Variants in MSH6 observed in about 807,000 individuals in gnomAD.
MSH6 encodes mutS homolog 6.
Under a neutral mutation model 119.1 loss-of-function variants are expected in MSH6, and 85 were observed. That is an observed-to-expected ratio of 0.71 (90% CI 0.60 to 0.85). MSH6 has a LOEUF of 0.85. Among genes scored for constraint, MSH6 ranks in the 40% least tolerant of loss-of-function variants. The probability of loss-of-function intolerance (pLI) is 0.00; values close to 1 mark genes in which losing one functional copy is unlikely to be tolerated. For synonymous variants in MSH6, 830 were observed against 586.9 expected, an observed-to-expected ratio of 1.41 and a Z score of -5.99; for missense variants, 2,163 against 1,655.3, an observed-to-expected ratio of 1.31 and a Z score of -5.32.
At chr2:47,809,902 CA>C, downstream of MSH6, 1 of 540,864 alleles carries the variant, frequency 1.8e-6, no homozygotes, top group South Asian at 2.6e-5. Context: ...GTCAAAACTG[CA>C]ATTAACTTTC....
In MSH6 at chr2:47,799,347, A is replaced by G. The variant is rs200938360; in HGVS notation, c.1364A>G (p.Asn455Ser). The G allele has an allele frequency of 6.2e-7, 1 of 1,614,028 alleles. No homozygotes were observed. The change falls in exon 4 of 10, where the codon AAC (asparagine) becomes AGC (serine). Residue 455 changes from asparagine to serine, a missense_variant. Asn to Ser is a conservative substitution (Grantham distance 46, BLOSUM62 1). Coordinates refer to ENST00000234420, the MANE Select transcript of MSH6 (RefSeq NM_000179.3). ...CTGGGGCTGGTATTCATGAAAGGCAACTGGGCCCATTCTGGCTTTCCTGAA... is the reference window on the plus strand; with the variant it reads ...CTGGGGCTGGTATTCATGAAAGGCAGCTGGGCCCATTCTGGCTTTCCTGAA... ...SELGLVFMKG[N>S]WAHSGFPEIA...
chr2:47,788,246 C>CTTTTTTTTTTTTTT lies in MSH6; in HGVS notation c.261-2668_261-2655dup, dbSNP rs560110301. Among the ~76,000 whole-genome samples, 39 of 90,056 alleles carry CTTTTTTTTTTTTTT rather than the reference C, an allele frequency of 4.3e-4. 2 individuals are homozygous for CTTTTTTTTTTTTTT. The highest frequency in any genetic ancestry group is 1.5e-3 in the African/African-American group (31 of 20,700). 59.1% of individuals were successfully genotyped at this position (90,056 alleles called of 152,430 possible). Reference sequence around the variant, plus strand: ...ATTTCTTTTCTTTCATTCTTTCTTTCTTTTTTTTTTTTTTTTTTTTTTTTT... The same window carrying CTTTTTTTTTTTTTT: ...ATTTCTTTTCTTTCATTCTTTCTTTCTTTTTTTTTTTTTTTTTTTTTTTTTTTTTTTTTTTTTTT... On this transcript the variant is annotated intron_variant, in intron 1 of 9. Transcript: ENST00000234420.
rs552287734 is a variant in MSH6 at position 47,790,301 on chromosome 2, G to A, written c.261-626G>A. Among the ~76,000 whole-genome samples, 3 of 152,308 alleles carry A rather than the reference G, an allele frequency of 2.0e-5. No individual in the cohort carries two copies. The East Asian group carries it at 5.8e-4, about 29-fold the overall frequency. On this transcript the variant is annotated intron_variant, in intron 1 of 9. Coordinates refer to ENST00000234420, the MANE Select transcript of MSH6 (RefSeq NM_000179.3). ...AAGCCAGGTGTGATGGCGTGTGCCT[G>A]TAGTCTTGGCTATTCAGGAGGCTGA...
rs1258152646 is a variant in MSH6 at position 47,800,936 on chromosome 2, T to G, written c.2953T>G (p.Phe985Val). ...TTACCAGCTGGAAATTCCTGAGAAT[T>G]TCACCACTCGCAATTTGCCAGAAGA... ...NRYQLEIPENFTTRNLPEEYE... is the reference protein window; with the variant it reads ...NRYQLEIPENVTTRNLPEEYE... The change falls in exon 4 of 10, where the codon TTC becomes GTC. Residue 985 changes from phenylalanine to valine, a missense_variant. Coordinates refer to ENST00000234420, the MANE Select transcript of MSH6 (RefSeq NM_000179.3). The G allele has an allele frequency of 2.5e-6, 4 of 1,576,228 alleles. No homozygotes were observed. The Admixed American group carries it at 7.5e-5, about 30-fold the overall frequency.
rs1193722362 is a variant in MSH6, at chr2:47,788,909, TTTTTTTTTTTTTG to T, written c.261-2005_261-1993del. Among the ~76,000 whole-genome samples, 361 of 51,850 alleles carry T rather than the reference TTTTTTTTTTTTTG, an allele frequency of 7.0e-3. 13 individuals are homozygous for T. The highest frequency in any genetic ancestry group is 0.01 in the Non-Finnish European group (250 of 24,396). The allele number at this position is 51,850 out of a possible 152,430, so 34.0% of individuals were successfully genotyped here. On this transcript the variant is annotated intron_variant, in intron 1 of 9. Coordinates refer to ENST00000234420, the MANE Select transcript of MSH6 (RefSeq NM_000179.3). ...ATTTCTTTCTTTCTTTCTTCTTCCT[TTTTTTTTTTTTTG>T]TTTTTTTTTTTTTTTTTTTTTTTTT...
In MSH6 at chr2:47,804,282, T is replaced by A. The variant is rs3136355; in HGVS notation, c.3438+597T>A. ...TACACCATCATGCCTAGCTCATTTT[T>A]AAAAAAATTTTTTATGGCATTGTAT... On this transcript the variant is annotated intron_variant, in intron 5 of 9. Transcript: ENST00000234420. 3.0e-4 allele frequency among the ~76,000 whole-genome samples: 46 copies of A among 152,282 alleles called. No individual in the cohort carries two copies. The East Asian group carries it at 6.2e-3, about 20-fold the overall frequency.
chr2:47,806,722 G>GGAT, intron 9 of MSH6, 57 bp from the exon 10 acceptor site: 1 of 1,567,836 alleles, frequency 6.4e-7, no homozygotes, highest in Non-Finnish European at 8.7e-7. Context: ...AAAGGGGAAG[G>GGAT]GATGATGCAC....
At position 47,783,408 on chromosome 2, in the gene MSH6, C is replaced by T. The variant is rs761033647; in HGVS notation, c.175C>T (p.Pro59Ser). ...GAGCGAGGCTGGGCCTGGGCCCAGGCCCTTGGCGCGCTCCGCGTCACCGCC... is the reference window on the plus strand; with the variant it reads ...GAGCGAGGCTGGGCCTGGGCCCAGGTCCTTGGCGCGCTCCGCGTCACCGCC... The part of the protein sequence containing the change: ...AWSEAGPGPR[P>S]LARSASPPKA... Residue 59 changes from proline to serine, a missense_variant, in exon 1 of 10, where the codon CCC (proline) becomes TCC (serine). Transcript: ENST00000234420. 1.2e-5 allele frequency: 19 copies of T among 1,530,794 alleles called. No homozygotes were observed. The highest frequency in any genetic ancestry group is 1.5e-5 in the Non-Finnish European group (17 of 1,141,786). The allele number at this position is 1,530,794 out of a possible 1,614,324, so 94.8% of individuals were successfully genotyped here.
intron 5 of MSH6, 49 bp from the exon 6 acceptor site, chr2:47,804,861 G>GAT (rs776574460): frequency 2.8e-6 from 4 of 1,412,378 alleles, no homozygotes. Flanking sequence ...AAAAGTTTAT[G>GAT]AAACTGTTAC....
At chr2:47,809,685 T>C (rs557498118), downstream of MSH6, 15 of 1,613,188 alleles carry the variant, frequency 9.3e-6, no homozygotes, top group Non-Finnish European at 1.3e-5. Context: ...GTGTTGCAGT[T>C]GCGTGATTTG....
chr2:47,806,467 A>C lies in MSH6; in HGVS notation c.3817A>C (p.Asn1273His), dbSNP rs1320711528. The C allele has an allele frequency of 6.2e-7, 1 of 1,614,134 alleles. No homozygotes were observed. The highest frequency in any genetic ancestry group is 8.5e-7 in the Non-Finnish European group (1 of 1,180,012). The change falls in exon 9 of 10, where the codon AAT becomes CAT. Residue 1273 changes from asparagine (N) to histidine (H), a missense_variant. Coordinates refer to ENST00000234420, the MANE Select transcript of MSH6 (RefSeq NM_000179.3). ...RLGHMACMVE[N>H]ECEDPSQETI... ...CTTTCTTAAGGCATGCATGGTAGAA[A>C]ATGAATGTGAAGACCCCAGCCAGGA...
rs267608055 is a variant in MSH6 at position 47,799,282 on chromosome 2, T to C, written c.1299T>C (p.Tyr433=). The C allele has an allele frequency of 6.2e-7, 1 of 1,614,096 alleles. No homozygotes were observed. The highest frequency in any genetic ancestry group is 8.5e-7 in the Non-Finnish European group (1 of 1,180,032). ...LVICYKVGKF[Y]ELYHMDALIG... ...TCTGTTACAAGGTGGGGAAATTTTA[T>C]GAGCTGTACCACATGGATGCTCTTA... is the stretch of plus-strand genomic sequence containing the variant. Residue 433 remains tyrosine, a synonymous_variant, in exon 4 of 10, where the codon TAT becomes TAC. Coordinates refer to ENST00000234420, the MANE Select transcript of MSH6 (RefSeq NM_000179.3).
chr2:47,794,223 C>G (rs1668932318), intron 2 of MSH6, among the ~76,000 whole-genome samples: 1 of 151,802 alleles, frequency 6.6e-6, no homozygotes, highest in Non-Finnish European at 1.5e-5. Context: ...TGCCTGTAAT[C>G]TCAGCTACTC....
chr2:47,795,758 A>G (rs1393809801), intron 2 of MSH6, 136 bp from the exon 3 acceptor site: 2 of 776,150 alleles, frequency 2.6e-6, no homozygotes, highest in Non-Finnish European at 4.3e-6. Context: ...GGCGTGAGCC[A>G]CCACACCTGG....
chr2:47,783,149 T>G lies in MSH6; in HGVS notation c.-85T>G. 1 of 1,573,970 alleles carries G rather than the reference T, an allele frequency of 6.4e-7. No individual in the cohort carries two copies. Among genetic ancestry groups the G allele is most frequent in the Non-Finnish European group, 8.6e-7 (1 of 1,158,006 alleles). The stretch of plus-strand genomic sequence containing the variant: ...CGGCGGAGCGCGCCTCCCCCCAGAT[T>G]TCCCGCCAGCAGGAGCCGCGCGGTA... On this transcript the variant is annotated 5_prime_UTR_variant, in exon 1 of 10. In the 5' UTR this introduces an upstream ATG that the reference lacks. Transcript: ENST00000234420.
At chr2:47,807,438 C>T (rs1436467250), downstream of MSH6, 10 of 204,600 alleles carry the variant, frequency 4.9e-5, no homozygotes, top group East Asian at 6.8e-4. Context: ...AAATAATAGT[C>T]TTAACTTTTC....
intron 8 of MSH6, 45 bp from the exon 9 acceptor site, chr2:47,806,407 C>CTT (rs34154602): frequency 1.2e-6 from 2 of 1,613,740 alleles, no homozygotes; most frequent in Non-Finnish European, 1.7e-6. Flanking sequence ...TGAGAGGGCA[C>CTT]TTCTCTTGCT....
Position 47,801,094 on chromosome 2 carries a change from C to G in MSH6, c.3111C>G (p.Phe1037Leu), listed in dbSNP as rs587781673. The change falls in exon 4 of 10, where the codon TTC becomes TTG. Residue 1037 changes from phenylalanine to leucine, a missense_variant. Physicochemically the swap from Phe to Leu is conservative, Grantham distance 22 (BLOSUM62 0). Transcript: ENST00000234420. ...TGAAGGACTGCATGCGGCGACTGTT[C>G]TATAACTTTGATAAAAATTACAAGG... ...VSLKDCMRRL[F>L]YNFDKNYKDW... 16 of 1,612,660 alleles carry G rather than the reference C, an allele frequency of 9.9e-6. No individual in the cohort carries two copies. The South Asian group carries it at 1.7e-4, about 17-fold the overall frequency.
At chr2:47,802,593 A>G (rs891928634) in intron 4 of MSH6, among the ~76,000 whole-genome samples, 1 of 150,552 alleles carries the variant, frequency 6.6e-6, no homozygotes, top group African/African-American at 2.4e-5. Flanking sequence ...TTGATCTCCG[A>G]AAGAGCTGGG....
Sources: gnomAD v4.1 joint callset for allele counts (sites outside exome capture counted in the v4.1 genomes callset) on GRCh38, gnomAD v4.1.1 for gene constraint, MANE v1.5 for transcripts, NCBI Gene and HGNC (gene_info 2026-07-23, HGNC 2026-07-21) for gene names.